STXBP5L: variants seen among roughly 807,000 people sequenced by gnomAD.
STXBP5L encodes the protein syntaxin binding protein 5L, also known as syntaxin-binding protein 5-like.
Under a neutral mutation model 144.5 loss-of-function variants are expected in STXBP5L, and 65 were observed. The ratio of observed to expected loss-of-function variants is 0.45; its 90% CI spans 0.37 to 0.55. STXBP5L has a LOEUF of 0.55. Among genes scored for constraint, STXBP5L ranks in the 20% least tolerant of loss-of-function variants. The pLI, the probability that STXBP5L is intolerant of heterozygous loss-of-function variation, is 0.00. For synonymous variants in STXBP5L, 505 were observed against 469.6 expected, an observed-to-expected ratio of 1.08 and a Z score of -0.97; for missense variants, 1,298 against 1,405.5, an observed-to-expected ratio of 0.92 and a Z score of 1.22.
intron 18 of STXBP5L, among the ~76,000 whole-genome samples, chr3:121,270,433 C>G (rs926363863): frequency 6.6e-6 from 1 of 151,904 alleles, no homozygotes; most frequent in Non-Finnish European, 1.5e-5. Context: ...TCTTCTTAGT[C>G]TCCTTTAATC....
intron 22 of STXBP5L, among the ~76,000 whole-genome samples, chr3:121,399,424 G>GAC (rs1036980509): frequency 1.2e-4 from 18 of 152,262 alleles, no homozygotes; most frequent in Admixed American, 3.3e-4. Flanking sequence ...AGGAATTAAA[G>GAC]ACACACACAC....
intron 5 of STXBP5L, among the ~76,000 whole-genome samples, chr3:121,050,761 A>C (rs1209123687): frequency 6.6e-6 from 1 of 152,236 alleles, no homozygotes; most frequent in Non-Finnish European, 1.5e-5. Context: ...AAATGGACTA[A>C]ATGCTCCAAT....
chr3:121,087,032 G>C (rs1312729419), intron 5 of STXBP5L, among the ~76,000 whole-genome samples: 1 of 151,872 alleles, frequency 6.6e-6, no homozygotes, highest in Non-Finnish European at 1.5e-5. Context: ...TGATTCCATT[G>C]TACTCAGAGA....
At chr3:121,240,589 T>C in intron 14 of STXBP5L, 82 bp downstream of exon 14, 2 of 1,304,442 alleles carry the variant, frequency 1.5e-6, no homozygotes, top group South Asian at 1.2e-5. Flanking sequence ...ATAATTGTGT[T>C]CTATGCAGAA....
rs1576335237 is a variant in STXBP5L at position 121,387,688 on chromosome 3, C to G, written c.2587+6156C>G. ...TCCTTTCCCCATTTCTTGTTTTTGT[C>G]AGGTTTGTCAAAGATCAGATGGTGT... is the stretch of plus-strand genomic sequence containing the variant. On this transcript the variant is annotated intron_variant, in intron 22 of 26. Coordinates refer to ENST00000471454, the MANE Select transcript of STXBP5L (RefSeq NM_001308330.2). Among the ~76,000 whole-genome samples the G allele has an allele frequency of 1.1e-4, 16 of 152,260 alleles. No individual in the cohort carries two copies. The South Asian group carries it at 1.9e-3, about 18-fold the overall frequency.
chr3:121,353,041 C>A (rs1448338844), intron 20 of STXBP5L, among the ~76,000 whole-genome samples: 1 of 152,136 alleles, frequency 6.6e-6, no homozygotes. Flanking sequence ...CCAGCCTGAT[C>A]GTGTTGGATA....
chr3:121,253,797 A>AT (rs373767147), intron 15 of STXBP5L, among the ~76,000 whole-genome samples: 15,479 of 120,590 alleles, frequency 0.13, 1,383 homozygotes, highest in Admixed American at 0.22. Context: ...CGCCCCGCTA[A>AT]TTTTTTTTTT....
chr3:121,049,582 A>T (rs1947791030), intron 5 of STXBP5L: 1 of 154,550 alleles, frequency 6.5e-6, no homozygotes, highest in African/African-American at 2.4e-5. Context: ...AGAAAAGCAC[A>T]GAGCTGCTCC....
intron 5 of STXBP5L, among the ~76,000 whole-genome samples, chr3:121,053,671 G>C (rs561368933): frequency 6.6e-6 from 1 of 152,124 alleles, no homozygotes; most frequent in Non-Finnish European, 1.5e-5. Context: ...TCAGGACATA[G>C]GCATGGGCAA....
chr3:121,326,833 C>T (rs1411234905), intron 20 of STXBP5L, among the ~76,000 whole-genome samples: 1 of 152,054 alleles, frequency 6.6e-6, no homozygotes, highest in Non-Finnish European at 1.5e-5. Flanking sequence ...GTCCCTTTGA[C>T]CATTCTGGAC....
At chr3:121,401,895 A>AAT (rs1491485815) in intron 22 of STXBP5L, among the ~76,000 whole-genome samples, 4 of 5,958 alleles carry the variant, frequency 6.7e-4, no homozygotes, top group African/African-American at 3.4e-3. Context: ...AGAGTATAAT[A>AAT]AAAAAAAAAA....
intron 3 of STXBP5L, among the ~76,000 whole-genome samples, chr3:120,987,528 A>G (rs75821838): frequency 0.12 from 18,216 of 151,266 alleles, 1,148 homozygotes; most frequent in Non-Finnish European, 0.14. Flanking sequence ...CCTTTGTTGG[A>G]TATATGGTTT....
At chr3:121,335,257 G>A (rs2044465651) in intron 20 of STXBP5L, among the ~76,000 whole-genome samples, 1 of 152,064 alleles carries the variant, frequency 6.6e-6, no homozygotes, top group African/African-American at 2.4e-5. Context: ...AAAGGAAGGT[G>A]AAAGATCTCT....
chr3:121,407,584 G>A lies in STXBP5L; in HGVS notation c.2929G>A (p.Gly977Arg), dbSNP rs1257841186. ...SACLACFCAN[G>R]HIMIMSLPSL... is the part of the protein sequence containing the mutation. Reference sequence around the variant, plus strand: ...CTGCTTGGCATGCTTTTGTGCTAACGGACATATCATGATAATGAGGTACTT... The same window carrying A: ...CTGCTTGGCATGCTTTTGTGCTAACAGACATATCATGATAATGAGGTACTT... Residue 977 changes from glycine (G) to arginine (R), a missense_variant, in exon 23 of 27, where the codon GGA (glycine) becomes AGA (arginine). Transcript: ENST00000471454. The A allele has an allele frequency of 2.5e-6, 4 of 1,612,994 alleles. No homozygotes were observed. Among genetic ancestry groups the A allele is most frequent in the Non-Finnish European group, 3.4e-6 (4 of 1,179,436 alleles).
At chr3:121,198,065 C>G (rs965340513) in intron 9 of STXBP5L, among the ~76,000 whole-genome samples, 1 of 152,114 alleles carries the variant, frequency 6.6e-6, no homozygotes, top group African/African-American at 2.4e-5. Context: ...CTTGAGGAAC[C>G]AAAACACTGT....
At chr3:121,378,954 G>T in intron 21 of STXBP5L, 68 bp downstream of exon 21, 2 of 1,466,906 alleles carry the variant, frequency 1.4e-6, no homozygotes, top group Non-Finnish European at 1.9e-6. Context: ...TGGGAACAGA[G>T]ATATGGGATG....
At chr3:121,002,825 G>A (rs1033550511) in intron 3 of STXBP5L, among the ~76,000 whole-genome samples, 4 of 151,454 alleles carry the variant, frequency 2.6e-5, no homozygotes, top group South Asian at 2.1e-4. Context: ...TTGTCCTTGC[G>A]ATAGTTTGCT....
At chr3:121,315,185 C>T (rs1383155180) in intron 19 of STXBP5L, among the ~76,000 whole-genome samples, 7 of 152,134 alleles carry the variant, frequency 4.6e-5, no homozygotes, top group South Asian at 4.2e-4. Flanking sequence ...CACATGCACA[C>T]GTATGTTTAC....
At chr3:120,977,649 T>G (rs143635240) in intron 3 of STXBP5L, among the ~76,000 whole-genome samples, 4,166 of 152,294 alleles carry the variant, frequency 0.027, 80 homozygotes, top group Admixed American at 0.041. Context: ...TCGATGGTCT[T>G]TACAATTTGG....
Sources: allele counts gnomAD v4.1 joint callset (sites outside exome capture counted in the v4.1 genomes callset), GRCh38; gene constraint gnomAD v4.1.1; transcripts MANE v1.5; gene names NCBI Gene and HGNC (gene_info 2026-07-23, HGNC 2026-07-21).